Variants in CCDC88C observed in about 807,000 individuals in gnomAD.
CCDC88C encodes protein Daple.
In CCDC88C, 131 loss-of-function variants were observed where a neutral mutation model predicts 198.8. The observed-to-expected ratio is 0.66, with a 90% CI of 0.57 to 0.76. CCDC88C has a LOEUF of 0.76. Ranked by LOEUF, CCDC88C falls within the 30% of genes least tolerant of loss-of-function variation. The pLI, the probability that CCDC88C is intolerant of heterozygous loss-of-function variation, is 0.00. For missense variants in CCDC88C, 2,553 were observed against 2,631.6 expected (o/e 0.97, Z 0.65); for synonymous variants, 1,166 against 1,114.7 (o/e 1.05, Z -0.92).
At chr14:91,375,235 C>T (rs575265160) in intron 3 of CCDC88C, among the ~76,000 whole-genome samples, 55 of 152,178 alleles carry the variant, frequency 3.6e-4, no homozygotes, top group Non-Finnish European at 6.8e-4. Flanking sequence ...GGCCACAGGC[C>T]CCAGGGTTAG....
intron 3 of CCDC88C, among the ~76,000 whole-genome samples, chr14:91,395,067 T>C (rs975889865): frequency 1.3e-5 from 2 of 152,094 alleles, no homozygotes; most frequent in African/African-American, 2.4e-5. Context: ...ACTTTTCAAA[T>C]AAGAAAGACT....
intron 3 of CCDC88C, among the ~76,000 whole-genome samples, chr14:91,402,236 A>G (rs573004548): frequency 1.2e-3 from 181 of 152,312 alleles, no homozygotes; most frequent in African/African-American, 4.0e-3. Flanking sequence ...TGATCATACC[A>G]CTGCACTTTG....
intron 3 of CCDC88C, among the ~76,000 whole-genome samples, chr14:91,403,177 C>T (rs763397927): frequency 1.3e-5 from 2 of 152,094 alleles, no homozygotes; most frequent in Non-Finnish European, 2.9e-5. Flanking sequence ...CGAGGAGAGG[C>T]GCATGAAGAA....
chr14:91,384,562 A>C (rs1452267271), intron 3 of CCDC88C: 5 of 476,326 alleles, frequency 1.0e-5, no homozygotes, highest in Non-Finnish European at 1.7e-5. Flanking sequence ...CTTAAAAATA[A>C]TAAACCAAAA....
intron 21 of CCDC88C, among the ~76,000 whole-genome samples, chr14:91,298,323 G>A (rs1339395872): frequency 7.2e-5 from 11 of 151,832 alleles, no homozygotes; most frequent in Admixed American, 2.0e-4. Flanking sequence ...GCAGTGAGCC[G>A]AGATCGCGCC....
intron 13 of CCDC88C, among the ~76,000 whole-genome samples, chr14:91,319,678 C>G (rs968325763): frequency 2.0e-5 from 3 of 152,110 alleles, no homozygotes; most frequent in Non-Finnish European, 4.4e-5. Context: ...TACTATGTGC[C>G]GAATCCGTCA....
intron 23 of CCDC88C, among the ~76,000 whole-genome samples, chr14:91,293,558 G>GCCACGGCCCACCTTCCTGTCCCCTCA (rs1890848997): frequency 2.0e-4 from 4 of 20,070 alleles, no homozygotes; most frequent in Non-Finnish European, 1.2e-4. Flanking sequence ...CTGTCCCCTC[G>GCCACGGCCCACCTTCCTGTCCCCTCA]CCTGCCACGG....
At chr14:91,364,057 G>A (rs1243131959) in intron 3 of CCDC88C, among the ~76,000 whole-genome samples, 2 of 152,276 alleles carry the variant, frequency 1.3e-5, no homozygotes, top group Non-Finnish European at 2.9e-5. Context: ...ACATTTGCCA[G>A]TGAGCCCTCC....
At chr14:91,412,534 A>G (rs1165673408) in intron 2 of CCDC88C, among the ~76,000 whole-genome samples, 1 of 151,420 alleles carries the variant, frequency 6.6e-6, no homozygotes, top group African/African-American at 2.4e-5. Context: ...TCCCGGGTTC[A>G]TGCCATTCTC....
intron 17 of CCDC88C, 60 bp from the exon 18 acceptor site, chr14:91,307,286 G>T: frequency 1.3e-6 from 2 of 1,520,748 alleles, no homozygotes; most frequent in South Asian, 2.2e-5. Flanking sequence ...CTGGAGCCCC[G>T]AGTGAGTGGC....
chr14:91,306,289 C>G (rs562438243), intron 18 of CCDC88C, among the ~76,000 whole-genome samples: 16 of 152,300 alleles, frequency 1.1e-4, no homozygotes, highest in Admixed American at 9.1e-4. Context: ...CCCTGAGTAT[C>G]TCACAGGACA....
intron 17 of CCDC88C, 50 bp from the exon 18 acceptor site, chr14:91,307,276 C>T (rs772470814): frequency 1.9e-6 from 3 of 1,579,542 alleles, no homozygotes; most frequent in Non-Finnish European, 1.7e-6. Flanking sequence ...GCAGCCTGGC[C>T]TGGAGCCCCG....
rs747515656 is a variant in CCDC88C at position 91,289,129 on chromosome 14, C to T, written c.4417G>A (p.Ala1473Thr). The change falls in exon 25 of 30, where the codon GCC (alanine) becomes ACC (threonine). Residue 1473 changes from alanine to threonine, a missense_variant. This residue lies in a region of CCDC88C where 1,293 missense variants were observed against 1,219.6 expected (regional missense o/e 1.06). Transcript: ENST00000389857. ...LGSNCAEERD[A>T]HNGSVGKGPG... Reference sequence around the variant, plus strand: ...CCTTTCCCCACAGACCCGTTGTGGGCGTCGCGCTCTTCTGCACAGTTGGAG... The same window carrying T: ...CCTTTCCCCACAGACCCGTTGTGGGTGTCGCGCTCTTCTGCACAGTTGGAG... 2.2e-5 allele frequency: 36 copies of T among 1,612,798 alleles called. No individual in the cohort carries two copies. The highest frequency in any genetic ancestry group is 6.7e-5 in the East Asian group (3 of 44,866).
intron 28 of CCDC88C, 72 bp downstream of exon 28, chr14:91,279,166 C>T: frequency 7.7e-7 from 1 of 1,304,572 alleles, no homozygotes; most frequent in Admixed American, 2.0e-5. Context: ...TCCCAAAGTG[C>T]TGATTATAGG....
chr14:91,361,428 C>A (rs1022236067), intron 3 of CCDC88C, among the ~76,000 whole-genome samples: 4 of 152,142 alleles, frequency 2.6e-5, no homozygotes, highest in Non-Finnish European at 5.9e-5. Flanking sequence ...AGAACGGGGG[C>A]CGAGGCCGCA....
chr14:91,378,420 A>G (rs1884592208), intron 3 of CCDC88C, among the ~76,000 whole-genome samples: 1 of 152,198 alleles, frequency 6.6e-6, no homozygotes, highest in East Asian at 1.9e-4. Context: ...TTAATTGTTC[A>G]TGGCAGTCCT....
In CCDC88C at chr14:91,279,264, C is replaced by T. The variant is rs540907763; in HGVS notation, c.4742G>A (p.Ser1581Asn). The T allele has an allele frequency of 1.2e-6, 2 of 1,602,266 alleles. No homozygotes were observed. The highest frequency in any genetic ancestry group is 2.2e-5 in the South Asian group (2 of 88,910). ...SSLESSRNTS[S>N]NSSPLNLKGS... ...TTTTAGGTTAAGAGGTGAGCTGTTGCTGGATGTGTTTCTACTGCTCTCTAA... is the reference window on the plus strand; with the variant it reads ...TTTTAGGTTAAGAGGTGAGCTGTTGTTGGATGTGTTTCTACTGCTCTCTAA... Residue 1581 changes from serine (S) to asparagine (N), a missense_variant, in exon 28 of 30, where the codon AGC becomes AAC. By Grantham distance (46) the Ser-to-Asn change is conservative. This residue lies in a region of CCDC88C where 1,293 missense variants were observed against 1,219.6 expected (regional missense o/e 1.06). Transcript: ENST00000389857.
Position 91,272,144 on chromosome 14 carries a change from T to G in CCDC88C, c.*481A>C. The G allele has an allele frequency of 6.4e-6, 1 of 157,478 alleles. No homozygotes were observed. The highest frequency in any genetic ancestry group is 1.8e-4 in the South Asian group (1 of 5,454). The allele number at this position is 157,478 out of a possible 1,614,324, so 9.8% of individuals were successfully genotyped here. Reference sequence around the variant, plus strand: ...GGGGTCTGCCAGGCCCTGGAGACCTTTGTAGTATCGCCAGTCTGGGCTTCT... The same window carrying G: ...GGGGTCTGCCAGGCCCTGGAGACCTGTGTAGTATCGCCAGTCTGGGCTTCT... On this transcript the variant is annotated 3_prime_UTR_variant, in exon 30 of 30. Coordinates refer to ENST00000389857, the MANE Select transcript of CCDC88C (RefSeq NM_001080414.4).
At chr14:91,280,976 A>G (rs1169275513) in intron 27 of CCDC88C, among the ~76,000 whole-genome samples, 1 of 152,096 alleles carries the variant, frequency 6.6e-6, no homozygotes, top group East Asian at 1.9e-4. Context: ...AAACCAAAGC[A>G]GCTTTTGATT....
Sources: gnomAD v4.1 joint callset for allele counts (sites outside exome capture counted in the v4.1 genomes callset) on GRCh38, gnomAD v4.1.1 for gene constraint, gnomAD v4.1.1 regional missense constraint, MANE v1.5 for transcripts, NCBI Gene and HGNC (gene_info 2026-07-23, HGNC 2026-07-21) for gene names.